The following ZNF688 variants were observed in gnomAD, a reference collection of about 807,000 sequenced individuals.
ZNF688 encodes zinc finger protein 688.
In ZNF688, 10 loss-of-function variants were observed where a neutral mutation model predicts 13.2. The observed-to-expected ratio is 0.76, with a 90% confidence interval of 0.47 to 1.28. ZNF688 has a LOEUF of 1.28. ZNF688 is among the 50% of genes most tolerant of loss of function. The pLI, the probability that ZNF688 is intolerant of heterozygous loss-of-function variation, is 0.00. For missense variants in ZNF688, 381 were observed against 391.4 expected, an observed-to-expected ratio of 0.97 and a Z score of 0.22; for synonymous variants, 160 against 159.4, an observed-to-expected ratio of 1.00 and a Z score of -0.03.
rs772248056 is a variant in ZNF688 at position 30,570,406 on chromosome 16, G to A, written c.341C>T (p.Pro114Leu). The A allele has an allele frequency of 1.2e-6, 2 of 1,613,230 alleles. No homozygotes were observed. The highest frequency in any genetic ancestry group is 2.7e-5 in the African/African-American group (2 of 75,034). The change falls in exon 3 of 3, where the codon CCG (proline) becomes CTG (leucine). Residue 114 changes from proline (P) to leucine (L), a missense_variant. By Grantham distance (98) the Pro-to-Leu change is moderately conservative. Transcript: ENST00000223459. Reference protein sequence around the residue: ...GDVPNRKEEEPEEVPRAKGPR... With the variant: ...GDVPNRKEEELEEVPRAKGPR... ...CCCTTTGGCTCTTGGGACTTCCTCC[G>A]GTTCCTCTTCCTTCCTGTTTGGGAC...
At chr16:30,577,514 G>C (rs921044772), upstream of ZNF688, among the ~76,000 whole-genome samples, 7 of 149,066 alleles carry the variant, frequency 4.7e-5, no homozygotes, top group African/African-American at 1.5e-4. Flanking sequence ...TGAGTAGCTG[G>C]GATTACAGGC....
upstream of ZNF688, among the ~76,000 whole-genome samples, chr16:30,577,049 G>A (rs1221275187): frequency 6.6e-6 from 1 of 151,582 alleles, no homozygotes; most frequent in Non-Finnish European, 1.5e-5. Context: ...TACAGGTGTG[G>A]ACCACCATGC....
Position 30,571,609 on chromosome 16 carries a change from C to A in ZNF688, c.21G>T (p.Pro7=). ...TCTCCCCGGGCCTCGGCGCCAGGAGCGGGGCTGGGGGCGGCGCCATGGGGC... is the reference window on the plus strand; with the variant it reads ...TCTCCCCGGGCCTCGGCGCCAGGAGAGGGGCTGGGGGCGGCGCCATGGGGC... MAPPPA[P]LLAPRPGETR... The change falls in exon 1 of 3, where the codon CCG becomes CCT. Residue 7 remains proline (P), a synonymous_variant. Coordinates refer to ENST00000223459, the MANE Select transcript of ZNF688 (RefSeq NM_145271.4). 6.6e-7 allele frequency: 1 copy of A among 1,513,312 alleles called. No homozygotes were observed. Among genetic ancestry groups the A allele is most frequent in the Non-Finnish European group, 8.8e-7 (1 of 1,131,608 alleles). The allele number at this position is 1,513,312 out of a possible 1,614,324, so 93.7% of individuals were successfully genotyped here. A position where few individuals can be genotyped will look rare whatever the true frequency, so the allele number is the denominator to read the frequency against.
chr16:30,572,524 G>C (rs946818734), upstream of ZNF688: 1 of 402,268 alleles, frequency 2.5e-6, no homozygotes, highest in Non-Finnish European at 4.4e-6. Flanking sequence ...GCTTGGTGAG[G>C]ATGGAATCGG....
chr16:30,572,068 G>A, upstream of ZNF688: 1 of 1,466,480 alleles, frequency 6.8e-7, no homozygotes, highest in Non-Finnish European at 9.1e-7. Context: ...CTGGGAAGTA[G>A]AGGAGAGGCT....
At chr16:30,576,940 C>T (rs2051752962), upstream of ZNF688, among the ~76,000 whole-genome samples, 1 of 151,824 alleles carries the variant, frequency 6.6e-6, no homozygotes, top group Admixed American at 6.6e-5. Flanking sequence ...GGCTAATTTT[C>T]GTTTTTGTAG....
chr16:30,571,019 C>A lies in ZNF688; in HGVS notation c.301G>T (p.Ala101Ser). 6.2e-7 allele frequency: 1 copy of A among 1,613,966 alleles called. No homozygotes were observed. Among genetic ancestry groups the A allele is most frequent in the Non-Finnish European group, 8.5e-7 (1 of 1,179,952 alleles). ...CGGGACTATCCCTCACCTCTCCGAG[C>A]TCCTCCCAGTCTTTCCCCCTTCTCA... Reference protein sequence around the residue: ...DPEKGERLGGARRGDVPNRKE... With the variant: ...DPEKGERLGGSRRGDVPNRKE... Residue 101 changes from alanine (A) to serine (S), a missense_variant, in exon 2 of 3, where the codon GCT becomes TCT. Coordinates refer to ENST00000223459, the MANE Select transcript of ZNF688 (RefSeq NM_145271.4).
upstream of ZNF688, among the ~76,000 whole-genome samples, chr16:30,573,361 C>T (rs1208222098): frequency 6.6e-6 from 1 of 152,162 alleles, no homozygotes; most frequent in African/African-American, 2.4e-5. Context: ...ACCGGGTCTC[C>T]CCTTCCTGCT....
intron 2 of ZNF688, 94 bp downstream of exon 2, chr16:30,570,916 C>A (rs546262560): frequency 1.5e-6 from 2 of 1,327,728 alleles, no homozygotes; most frequent in East Asian, 4.9e-5. Context: ...AGTTGAATTT[C>A]TTTAGGGATG....
chr16:30,574,080 C>T (rs905255214), upstream of ZNF688, among the ~76,000 whole-genome samples: 1 of 152,056 alleles, frequency 6.6e-6, no homozygotes, highest in Admixed American at 6.6e-5. Context: ...AACTCCATCT[C>T]TACTAAAAAT....
intron 1 of ZNF688, 32 bp downstream of exon 1, chr16:30,571,399 TGAA>T: frequency 6.5e-7 from 1 of 1,546,000 alleles, no homozygotes; most frequent in Non-Finnish European, 8.7e-7. Flanking sequence ...GTGAACCCGG[TGAA>T]GGAGGAGGGG....
Position 30,570,262 on chromosome 16 carries a change from G to A in ZNF688, c.485C>T (p.Thr162Ile), listed in dbSNP as rs142312247. Reference sequence around the variant, plus strand: ...GGGTGCCGGGGGCTGTGCTCCTGTGGTCGGGTCCCAGGCAGCATTTTTGGG... The same window carrying A: ...GGGTGCCGGGGGCTGTGCTCCTGTGATCGGGTCCCAGGCAGCATTTTTGGG... ...QPPKNAAWDP[T>I]TGAQPPAPIP... The change falls in exon 3 of 3, where the codon ACC becomes ATC. Residue 162 changes from threonine to isoleucine, a missense_variant. Physicochemically the swap from Thr to Ile is moderately conservative, Grantham distance 89 (BLOSUM62 -1). Coordinates refer to ENST00000223459, the MANE Select transcript of ZNF688 (RefSeq NM_145271.4). 1 of 1,613,824 alleles carries A rather than the reference G, an allele frequency of 6.2e-7. No individual in the cohort carries two copies. Among genetic ancestry groups the A allele is most frequent in the Non-Finnish European group, 8.5e-7 (1 of 1,179,934 alleles).
intron 2 of ZNF688, 151 bp from the exon 3 acceptor site, chr16:30,570,587 T>G: frequency 1.0e-6 from 1 of 957,528 alleles, no homozygotes; most frequent in Non-Finnish European, 1.5e-6. Flanking sequence ...TCAGATCTCC[T>G]AAAAGTGCCT....
Position 30,571,332 on chromosome 16 carries a change from G to C in ZNF688, c.196+102C>G, listed in dbSNP as rs902558787. The C allele has an allele frequency of 6.5e-6, 10 of 1,534,974 alleles. No homozygotes were observed. The African/African-American group carries it at 1.2e-4, about 19-fold the overall frequency. ...ACGGGAGGTGGCTGCTGGTGTTGGT[G>C]CAAGAGTGCGGGATTAGGGCTCACA... On this transcript the variant is annotated intron_variant, in intron 1 of 2. Coordinates refer to ENST00000223459, the MANE Select transcript of ZNF688 (RefSeq NM_145271.4).
upstream of ZNF688, chr16:30,572,418 G>T: frequency 1.1e-6 from 1 of 932,150 alleles, no homozygotes; most frequent in Non-Finnish European, 1.4e-6. Context: ...GCAGGTGCGT[G>T]TTTTACAGTA....
rs569769362 is a variant in ZNF688, at chr16:30,570,259, G to A, written c.488C>T (p.Thr163Ile). ...PPKNAAWDPT[T>I]GAQPPAPIPS... The stretch of plus-strand genomic sequence containing the variant: ...TATGGGTGCCGGGGGCTGTGCTCCT[G>A]TGGTCGGGTCCCAGGCAGCATTTTT... Residue 163 changes from threonine to isoleucine, a missense_variant, in exon 3 of 3, where the codon ACA becomes ATA. Transcript: ENST00000223459. 23 of 1,613,676 alleles carry A rather than the reference G, an allele frequency of 1.4e-5. No homozygotes were observed. Among genetic ancestry groups the A allele is most frequent in the Non-Finnish European group, 1.9e-5 (22 of 1,179,924 alleles).
At chr16:30,576,400 T>C (rs529412462), upstream of ZNF688, among the ~76,000 whole-genome samples, 3 of 152,256 alleles carry the variant, frequency 2.0e-5, no homozygotes, top group South Asian at 4.1e-4. Flanking sequence ...TTAGAAGAGA[T>C]GGGGTTTCAT....
At chr16:30,572,319 C>A, upstream of ZNF688, 2 of 1,399,946 alleles carry the variant, frequency 1.4e-6, no homozygotes, top group South Asian at 1.6e-5. Flanking sequence ...CTTACCGTGC[C>A]TCCCGATGGC....
intron 1 of ZNF688, 90 bp from the exon 2 acceptor site, chr16:30,571,213 C>T: frequency 6.5e-7 from 1 of 1,530,106 alleles, no homozygotes; most frequent in Non-Finnish European, 8.8e-7. Context: ...CCCCTCGGAG[C>T]TTATACTCAA....
Sources: allele counts gnomAD v4.1 joint callset (sites outside exome capture counted in the v4.1 genomes callset), GRCh38; gene constraint gnomAD v4.1.1; transcripts MANE v1.5; gene names NCBI Gene and HGNC (gene_info 2026-07-23, HGNC 2026-07-21).